The following BTN3A2 variants were observed in gnomAD, a reference collection of about 807,000 sequenced individuals.
BTN3A2 encodes the protein butyrophilin protein.
A neutral mutation model predicts 37.6 loss-of-function variants in BTN3A2; 25 were observed. The observed-to-expected ratio is 0.66, with a 90% confidence interval of 0.48 to 0.93. BTN3A2 has a LOEUF of 0.93. BTN3A2 is among the 40% of genes least tolerant of loss of function. BTN3A2 has a pLI of 0.00. For missense variants in BTN3A2, 266 were observed against 410.9 expected (o/e 0.65, Z 3.05); for synonymous variants, 122 against 159.4 (o/e 0.77, Z 1.77).
chr6:26,365,306 C>T lies in BTN3A2; in HGVS notation c.-113C>T. ...GAAAGAATGGAGAATTATTGATTGA[C>T]CGTCTTTATTCTGTGGGCTCTGATT... On this transcript the variant is annotated 5_prime_UTR_variant, in exon 1 of 11. Transcript: ENST00000377708. 6.5e-7 allele frequency: 1 copy of T among 1,535,358 alleles called. No homozygotes were observed. The highest frequency in any genetic ancestry group is 1.2e-5 in the South Asian group (1 of 84,040).
rs1760816382 is a variant in BTN3A2, at chr6:26,378,220, T to C, written c.*2458T>C. 6.6e-6 allele frequency: 1 copy of C among 152,234 alleles called. No individual in the cohort carries two copies. Among genetic ancestry groups the C allele is most frequent in the Admixed American group, 6.5e-5 (1 of 15,292 alleles). 9.4% of individuals were successfully genotyped at this position (152,234 alleles called of 1,614,324 possible). On this transcript the variant is annotated 3_prime_UTR_variant, in exon 11 of 11. Coordinates refer to ENST00000377708, the MANE Select transcript of BTN3A2 (RefSeq NM_007047.5). Reference sequence around the variant, plus strand: ...CCTGCTAGGGAAAACTGCTCCTCATTATCATCACTATTATTGCTCACCACT... The same window carrying C: ...CCTGCTAGGGAAAACTGCTCCTCATCATCATCACTATTATTGCTCACCACT...
At chr6:26,368,477 A>G (rs776218157) in intron 3 of BTN3A2, 88 bp from the exon 4 acceptor site, 5 of 1,599,932 alleles carry the variant, frequency 3.1e-6, no homozygotes, top group East Asian at 2.2e-5. Context: ...GGTTCTCTGT[A>G]TCTCGCCTTC....
intron 1 of BTN3A2, among the ~76,000 whole-genome samples, chr6:26,367,053 G>A (rs868463728): frequency 2.0e-5 from 3 of 152,030 alleles, no homozygotes; most frequent in African/African-American, 7.3e-5. Flanking sequence ...ACTTTTTCAG[G>A]CATTTACATA....
At position 26,370,543 on chromosome 6, in the gene BTN3A2, T is replaced by C; in HGVS notation, c.655T>C (p.Ser219Pro). The part of the protein sequence containing the change: ...IMRGGSGEGV[S>P]CIIRNSLLGL... ...GAGAGGCGGCTCCGGGGAGGGTGTA[T>C]CCTGCATCATCAGAAATTCCCTCCT... Residue 219 changes from serine to proline, a missense_variant, in exon 5 of 11, where the codon TCC becomes CCC. Ser to Pro is a moderately conservative substitution (Grantham distance 74). Transcript: ENST00000377708. 1 of 1,614,192 alleles carries C rather than the reference T, an allele frequency of 6.2e-7. No individual in the cohort carries two copies. The highest frequency in any genetic ancestry group is 8.5e-7 in the Non-Finnish European group (1 of 1,180,030).
At position 26,372,999 on chromosome 6, in the gene BTN3A2, A is replaced by G. The variant is rs1358396821; in HGVS notation, c.818A>G (p.Gln273Arg). The change falls in exon 6 of 11, where the codon CAA becomes CGA. Residue 273 changes from glutamine (Q) to arginine (R), a missense_variant. By Grantham distance (43) the Gln-to-Arg change is conservative (BLOSUM62 1). This residue lies in a region of BTN3A2 where 204 missense variants were observed against 232.6 expected (regional missense o/e 0.88). Transcript: ENST00000377708. ...GGAGCCAGTTACTTCTTGTGGAGACAACAGAAGGAAATAACTGCTCTGTCC... is the reference window on the plus strand; with the variant it reads ...GGAGCCAGTTACTTCTTGTGGAGACGACAGAAGGAAATAACTGCTCTGTCC... The part of the protein sequence containing the change: ...LAGASYFLWR[Q>R]QKEITALSSE... The G allele has an allele frequency of 1.2e-6, 2 of 1,614,138 alleles. No individual in the cohort carries two copies. The highest frequency in any genetic ancestry group is 1.7e-6 in the Non-Finnish European group (2 of 1,180,050).
At chr6:26,366,624 G>A (rs1337665665) in intron 1 of BTN3A2, among the ~76,000 whole-genome samples, 4 of 152,276 alleles carry the variant, frequency 2.6e-5, no homozygotes, top group Non-Finnish European at 4.4e-5. Flanking sequence ...GAGCAGTTTC[G>A]AGGAGCAGAA....
At chr6:26,374,619 C>T (rs1760523884) in intron 9 of BTN3A2, 152 bp from the exon 10 acceptor site, 1 of 967,332 alleles carries the variant, frequency 1.0e-6, no homozygotes, top group African/African-American at 1.7e-5. Context: ...GAGAAGGTGC[C>T]ACCTCTGATC....
chr6:26,373,040 G>A lies in BTN3A2; in HGVS notation c.859G>A (p.Glu287Lys). 6.2e-7 allele frequency: 1 copy of A among 1,614,212 alleles called. No homozygotes were observed. Among genetic ancestry groups the A allele is most frequent in the Non-Finnish European group, 8.5e-7 (1 of 1,180,042 alleles). ...ITALSSEIESEQEMKEMGYAA... is the reference protein window; with the variant it reads ...ITALSSEIESKQEMKEMGYAA... ...TGCTCTGTCCAGTGAGATAGAAAGT[G>A]AGCAAGAGATGAAAGAAATGGGATA... Residue 287 changes from glutamate (E) to lysine (K), a missense_variant, in exon 6 of 11, where the codon GAG becomes AAG. Glu to Lys is a moderately conservative substitution (Grantham distance 56, BLOSUM62 1). Around this residue, in one of 3 missense-constraint regions of BTN3A2, gnomAD observed 204 missense variants for 232.6 expected, o/e 0.88. Coordinates refer to ENST00000377708, the MANE Select transcript of BTN3A2 (RefSeq NM_007047.5).
chr6:26,377,503 G>A lies in BTN3A2; in HGVS notation c.*1741G>A, dbSNP rs143233475. On this transcript the variant is annotated 3_prime_UTR_variant, in exon 11 of 11. Coordinates refer to ENST00000377708, the MANE Select transcript of BTN3A2 (RefSeq NM_007047.5). ...GAGAATTTAAAACGTTCTGAGTGCT[G>A]TGTTATGAGCTTTGGTGGGTGTCAC... 67 of 347,180 alleles carry A rather than the reference G, an allele frequency of 1.9e-4. No homozygotes were observed. In the East Asian group the frequency reaches 4.4e-3, roughly 23 times the overall value. The allele number at this position is 347,180 out of a possible 1,614,324, so 21.5% of individuals were successfully genotyped here.
rs1341343498 is a variant in BTN3A2 at position 26,370,569 on chromosome 6, C to T, written c.681C>T (p.Leu227=). The change falls in exon 5 of 11, where the codon CTC becomes CTT. Residue 227 remains leucine (L), a synonymous_variant. Transcript: ENST00000377708. ...GVSCIIRNSL[L]GLEKTASISI... is the part of the protein sequence containing the mutation. ...CCTGCATCATCAGAAATTCCCTCCT[C>T]GGCCTGGAAAAGACAGCCAGCATTT... 10 of 1,614,082 alleles carry T rather than the reference C, an allele frequency of 6.2e-6. No homozygotes were observed. In the East Asian group the frequency reaches 6.7e-5, roughly 11 times the overall value.
At position 26,374,787 on chromosome 6, in the gene BTN3A2, T is replaced by G; in HGVS notation, c.*23T>G. On this transcript the variant is annotated 3_prime_UTR_variant, in exon 10 of 11. Transcript: ENST00000377708. ...TCCTTTCAGAATGGAAAAATGGCCCTCTTCAAGCCTGGTGAGTAAATCACT... is the reference window on the plus strand; with the variant it reads ...TCCTTTCAGAATGGAAAAATGGCCCGCTTCAAGCCTGGTGAGTAAATCACT... 1 of 1,529,160 alleles carries G rather than the reference T, an allele frequency of 6.5e-7. No homozygotes were observed. The highest frequency in any genetic ancestry group is 2.3e-5 in the East Asian group (1 of 44,356). 94.7% of individuals were successfully genotyped at this position (1,529,160 alleles called of 1,614,324 possible).
Position 26,374,787 on chromosome 6 carries a change from T to A in BTN3A2, c.*23T>A. On this transcript the variant is annotated 3_prime_UTR_variant, in exon 10 of 11. Transcript: ENST00000377708. The stretch of plus-strand genomic sequence containing the variant: ...TCCTTTCAGAATGGAAAAATGGCCC[T>A]CTTCAAGCCTGGTGAGTAAATCACT... 1 of 1,529,160 alleles carries A rather than the reference T, an allele frequency of 6.5e-7. No homozygotes were observed. Among genetic ancestry groups the A allele is most frequent in the African/African-American group, 1.4e-5 (1 of 73,088 alleles). The allele number at this position is 1,529,160 out of a possible 1,614,324, so 94.7% of individuals were successfully genotyped here.
chr6:26,365,323 G>A lies in BTN3A2; in HGVS notation c.-96G>A, dbSNP rs753771809. 14 of 1,535,742 alleles carry A rather than the reference G, an allele frequency of 9.1e-6. No individual in the cohort carries two copies. The highest frequency in any genetic ancestry group is 5.9e-5 in the South Asian group (5 of 84,066). Reference sequence around the variant, plus strand: ...TTGATTGACCGTCTTTATTCTGTGGGCTCTGATTCTCCAATGGGAATACCA... The same window carrying A: ...TTGATTGACCGTCTTTATTCTGTGGACTCTGATTCTCCAATGGGAATACCA... On this transcript the variant is annotated 5_prime_UTR_variant, in exon 1 of 11. Coordinates refer to ENST00000377708, the MANE Select transcript of BTN3A2 (RefSeq NM_007047.5).
chr6:26,367,668 G>C (rs1344551189), intron 1 of BTN3A2, among the ~76,000 whole-genome samples: 1 of 152,194 alleles, frequency 6.6e-6, no homozygotes, highest in Non-Finnish European at 1.5e-5. Flanking sequence ...AAACGTGGTG[G>C]GTTCAGCCCC....
At chr6:26,366,796 AG>A (rs1411260774) in intron 1 of BTN3A2, among the ~76,000 whole-genome samples, 1 of 152,174 alleles carries the variant, frequency 6.6e-6, no homozygotes, top group Non-Finnish European at 1.5e-5. Context: ...GACCCACAGC[AG>A]CTGGTATGAT....
chr6:26,374,275 A>G, intron 8 of BTN3A2, 52 bp from the exon 9 acceptor site: 1 of 1,474,204 alleles, frequency 6.8e-7, no homozygotes. Context: ...GGAAGGGGCC[A>G]ACACAGAAAA....
chr6:26,365,474 C>CTCTG (rs1761965013), intron 1 of BTN3A2, 122 bp downstream of exon 1: 12 of 550,826 alleles, frequency 2.2e-5, no homozygotes, highest in Non-Finnish European at 6.1e-6. Context: ...GGTGCAGTGC[C>CTCTG]TGTGTGTGTG....
rs1979 is a variant in BTN3A2, at chr6:26,377,363, G to A, written c.*1601G>A. On this transcript the variant is annotated 3_prime_UTR_variant, in exon 11 of 11. Coordinates refer to ENST00000377708, the MANE Select transcript of BTN3A2 (RefSeq NM_007047.5). The stretch of plus-strand genomic sequence containing the variant: ...GTTTGAGTTTGGTGCCACCTTATTG[G>A]CCCCTTTATACAGATAAGGAAACTG... The A allele has an allele frequency of 1.7e-6, 1 of 589,032 alleles. No individual in the cohort carries two copies. Among genetic ancestry groups the A allele is most frequent in the South Asian group, 1.8e-5 (1 of 54,972 alleles). 36.5% of individuals were successfully genotyped at this position (589,032 alleles called of 1,614,324 possible).
chr6:26,376,215 GAAAAAA>G lies in BTN3A2; in HGVS notation c.*469_*474del, dbSNP rs71544679. The stretch of plus-strand genomic sequence containing the variant: ...GAGACAGAGCGAGACTCTGTCTCAA[GAAAAAA>G]AAAAAAAAAAAAAAAGAAAAGAAAA... On this transcript the variant is annotated 3_prime_UTR_variant, in exon 11 of 11. Transcript: ENST00000377708. The G allele has an allele frequency of 1.3e-4, 10 of 75,428 alleles. No individual in the cohort carries two copies. Among genetic ancestry groups the G allele is most frequent in the East Asian group, 4.6e-4 (1 of 2,192 alleles). 4.7% of individuals were successfully genotyped at this position (75,428 alleles called of 1,614,324 possible).
Sources: gnomAD v4.1 joint callset for allele counts (sites outside exome capture counted in the v4.1 genomes callset) on GRCh38, gnomAD v4.1.1 for gene constraint, gnomAD v4.1.1 regional missense constraint, MANE v1.5 for transcripts, NCBI Gene and HGNC (gene_info 2026-07-23, HGNC 2026-07-21) for gene names.